PAWR: variants seen among roughly 807,000 people sequenced by gnomAD.
The protein encoded by PAWR is PRKC apoptosis WT1 regulator protein.
Under a neutral mutation model 32.0 loss-of-function variants are expected in PAWR, and 23 were observed. The ratio of observed to expected loss-of-function variants is 0.72; its 90% CI spans 0.52 to 1.02. The LOEUF (loss-of-function observed/expected upper bound fraction) is 1.02, where lower values mean the gene tolerates loss of function less well. Among genes scored for constraint, PAWR ranks in the 50% least tolerant of loss-of-function variants. PAWR has a pLI of 0.00. For synonymous variants in PAWR, 226 were observed against 187.1 expected (o/e 1.21, Z -1.70); for missense variants, 457 against 437.7 (o/e 1.04, Z -0.39).
chr12:79,690,066 G>A lies in PAWR; in HGVS notation c.179C>T (p.Thr60Ile), dbSNP rs1165873369. ...CTCGTTGGCAGCGGCGGCCGCCGGGGTGCCCAGAGCCCCCGCGGGGGGCTT... is the reference window on the plus strand; with the variant it reads ...CTCGTTGGCAGCGGCGGCCGCCGGGATGCCCAGAGCCCCCGCGGGGGGCTT... Reference protein sequence around the residue: ...AGKPPAGALGTPAAAAANELN... With the variant: ...AGKPPAGALGIPAAAAANELN... The change falls in exon 2 of 7, where the codon ACC becomes ATC. Residue 60 changes from threonine to isoleucine, a missense_variant. Coordinates refer to ENST00000328827, the MANE Select transcript of PAWR (RefSeq NM_002583.4). 7 of 1,376,930 alleles carry A rather than the reference G, an allele frequency of 5.1e-6. No individual in the cohort carries two copies. Among genetic ancestry groups the A allele is most frequent in the South Asian group, 5.0e-5 (3 of 59,408 alleles). 85.3% of individuals were successfully genotyped at this position (1,376,930 alleles called of 1,614,324 possible). A position where few individuals can be genotyped will look rare whatever the true frequency, so the allele number is the denominator to read the frequency against.
intron 2 of PAWR, among the ~76,000 whole-genome samples, chr12:79,640,866 A>G (rs1432231954): frequency 6.6e-6 from 1 of 152,192 alleles, no homozygotes; most frequent in Non-Finnish European, 1.5e-5. Flanking sequence ...TATGTCCTAT[A>G]ATAGTTTGAT....
intron 4 of PAWR, among the ~76,000 whole-genome samples, chr12:79,608,239 C>T (rs1269039225): frequency 1.3e-5 from 2 of 151,760 alleles, no homozygotes; most frequent in Non-Finnish European, 2.9e-5. Flanking sequence ...TCTTAACTGG[C>T]CATCCCCAAC....
At chr12:79,657,619 G>A (rs980038121) in intron 2 of PAWR, among the ~76,000 whole-genome samples, 10 of 151,910 alleles carry the variant, frequency 6.6e-5, no homozygotes, top group African/African-American at 2.2e-4. Flanking sequence ...GTGAAACCCC[G>A]TCTCTACTAA....
intron 2 of PAWR, among the ~76,000 whole-genome samples, chr12:79,632,359 A>AT (rs1875742890): frequency 1.2e-4 from 2 of 17,184 alleles, no homozygotes; most frequent in Non-Finnish European, 2.0e-4. Context: ...ATATATATAT[A>AT]TATTTTTTTT....
At chr12:79,604,289 AG>A (rs1286458773) in intron 4 of PAWR, 1 of 994,408 alleles carries the variant, frequency 1.0e-6, no homozygotes, top group Non-Finnish European at 1.2e-6. Flanking sequence ...TGCTCAGAAA[AG>A]GGAAAAGAAA....
At position 79,689,996 on chromosome 12, in the gene PAWR, G is replaced by A. The variant is rs925555411; in HGVS notation, c.249C>T (p.Val83=). ...CGCAGTTCACGCCCCCGGGACCGGGGACGGCAGGTGCGGCCGGCGCGCCGC... is the reference window on the plus strand; with the variant it reads ...CGCAGTTCACGCCCCCGGGACCGGGAACGGCAGGTGCGGCCGGCGCGCCGC... ...LPGGAPAAPA[V]PGPGGVNCAV... The change falls in exon 2 of 7, where the codon GTC becomes GTT. Residue 83 remains valine (V), a synonymous_variant. Coordinates refer to ENST00000328827, the MANE Select transcript of PAWR (RefSeq NM_002583.4). The A allele has an allele frequency of 7.6e-7, 1 of 1,307,264 alleles. No homozygotes were observed. The highest frequency in any genetic ancestry group is 9.7e-7 in the Non-Finnish European group (1 of 1,034,026). 81.0% of individuals were successfully genotyped at this position (1,307,264 alleles called of 1,614,324 possible).
At chr12:79,611,510 C>G (rs1874440340) in intron 4 of PAWR, among the ~76,000 whole-genome samples, 1 of 151,658 alleles carries the variant, frequency 6.6e-6, no homozygotes, top group Non-Finnish European at 1.5e-5. Flanking sequence ...AACTTGCTGA[C>G]AGATTAATGA....
chr12:79,625,047 T>C (rs764617625), intron 2 of PAWR, among the ~76,000 whole-genome samples: 1 of 152,156 alleles, frequency 6.6e-6, no homozygotes, highest in Non-Finnish European at 1.5e-5. Flanking sequence ...CAGTATGACA[T>C]TACCTGTTCT....
intron 2 of PAWR, among the ~76,000 whole-genome samples, chr12:79,640,809 G>C (rs1876285906): frequency 6.6e-6 from 1 of 152,228 alleles, no homozygotes; most frequent in Non-Finnish European, 1.5e-5. Context: ...AAAGGACTTA[G>C]GAGAAGACTG....
chr12:79,620,409 G>C (rs1177356840), intron 3 of PAWR, among the ~76,000 whole-genome samples: 1 of 152,104 alleles, frequency 6.6e-6, no homozygotes, highest in Non-Finnish European at 1.5e-5. Context: ...TTGGCATAGA[G>C]AATTCAAGTC....
intron 2 of PAWR, among the ~76,000 whole-genome samples, chr12:79,675,608 A>ATTTCC (rs1878125886): frequency 6.6e-6 from 1 of 152,170 alleles, no homozygotes; most frequent in Non-Finnish European, 1.5e-5. Context: ...GCTAGAGGCC[A>ATTTCC]TTATCCTAAG....
chr12:79,611,179 A>G (rs1874420382), intron 4 of PAWR, among the ~76,000 whole-genome samples: 2 of 146,594 alleles, frequency 1.4e-5, no homozygotes, highest in African/African-American at 4.9e-5. Flanking sequence ...ATAGATATTT[A>G]TATATAAATC....
rs1439523375 is a variant in PAWR at position 79,689,881 on chromosome 12, G to A, written c.364C>T (p.Pro122Ser). The A allele has an allele frequency of 6.4e-7, 1 of 1,553,526 alleles. No homozygotes were observed. Among genetic ancestry groups the A allele is most frequent in the East Asian group, 2.5e-5 (1 of 40,704 alleles). Reference sequence around the variant, plus strand: ...GGCTCCTCCTCGTCACGCTGGGGCGGCGGTGCAGCCGAGGCAGAGGCGGCT... The same window carrying A: ...GGCTCCTCCTCGTCACGCTGGGGCGACGGTGCAGCCGAGGCAGAGGCGGCT... ...PPAASASAAPPPQRDEEEPDG... is the reference protein window; with the variant it reads ...PPAASASAAPSPQRDEEEPDG... The change falls in exon 2 of 7, where the codon CCG becomes TCG. Residue 122 changes from proline (P) to serine (S), a missense_variant. Coordinates refer to ENST00000328827, the MANE Select transcript of PAWR (RefSeq NM_002583.4).
chr12:79,643,155 C>G (rs1876411417), intron 2 of PAWR, among the ~76,000 whole-genome samples: 1 of 152,080 alleles, frequency 6.6e-6, no homozygotes, highest in African/African-American at 2.4e-5. Context: ...TCACTAGTAC[C>G]TTCAATGTGT....
At chr12:79,688,098 T>C (rs998428722) in intron 2 of PAWR, among the ~76,000 whole-genome samples, 1 of 152,098 alleles carries the variant, frequency 6.6e-6, no homozygotes, top group Non-Finnish European at 1.5e-5. Flanking sequence ...GACTCCATTG[T>C]AGTGGGAAGT....
intron 2 of PAWR, among the ~76,000 whole-genome samples, chr12:79,674,565 T>A (rs1210054219): frequency 6.6e-6 from 1 of 152,044 alleles, no homozygotes; most frequent in Non-Finnish European, 1.5e-5. Flanking sequence ...TGGGACCTAA[T>A]CAAACTAAAG....
At chr12:79,652,914 C>T (rs1159121763) in intron 2 of PAWR, among the ~76,000 whole-genome samples, 1 of 152,050 alleles carries the variant, frequency 6.6e-6, no homozygotes, top group Non-Finnish European at 1.5e-5. Flanking sequence ...TAGTTTTCTA[C>T]GTATTTATGG....
chr12:79,627,900 G>A (rs1365274131), intron 2 of PAWR, among the ~76,000 whole-genome samples: 5 of 152,246 alleles, frequency 3.3e-5, no homozygotes, highest in African/African-American at 4.8e-5. Flanking sequence ...ACAGATCAAC[G>A]AGACAGAAGT....
intron 5 of PAWR, among the ~76,000 whole-genome samples, chr12:79,595,882 A>C (rs1873732077): frequency 6.6e-6 from 1 of 152,082 alleles, no homozygotes; most frequent in East Asian, 1.9e-4. Context: ...AAAATAAATA[A>C]AACTATGAAA....
Sources: gnomAD v4.1 joint callset for allele counts (sites outside exome capture counted in the v4.1 genomes callset) on GRCh38, gnomAD v4.1.1 for gene constraint, MANE v1.5 for transcripts, NCBI Gene and HGNC (gene_info 2026-07-23, HGNC 2026-07-21) for gene names.